The following P4HA2 variants were observed in gnomAD, a reference collection of about 807,000 sequenced individuals.
The protein encoded by P4HA2 is prolyl 4-hydroxylase subunit alpha-2.
A neutral mutation model predicts 76.9 loss-of-function variants in P4HA2; 46 were observed. That is an observed-to-expected ratio of 0.60 (90% CI 0.47 to 0.76). The LOEUF is 0.76. Ranked by LOEUF, P4HA2 falls within the 30% of genes least tolerant of loss-of-function variation. The pLI is 0.00. For synonymous variants in P4HA2, 243 were observed against 254.0 expected (o/e 0.96, Z 0.41); for missense variants, 583 against 669.4 (o/e 0.87, Z 1.42).
At chr5:132,206,937 T>C (rs554449791) in intron 8 of P4HA2, among the ~76,000 whole-genome samples, 3 of 152,222 alleles carry the variant, frequency 2.0e-5, no homozygotes, top group Non-Finnish European at 2.9e-5. Context: ...GCAATCTGTA[T>C]GAGTTTGCTT....
intron 4 of P4HA2, 85 bp from the exon 5 acceptor site, chr5:132,214,138 G>C (rs1753525513): frequency 7.2e-7 from 1 of 1,391,040 alleles, no homozygotes; most frequent in African/African-American, 1.4e-5. Context: ...CCACAAAGAG[G>C]GTCTCTGGCT....
Position 132,198,946 on chromosome 5 carries a change from C to T in P4HA2, c.1252-14G>A, listed in dbSNP as rs1311387855. The T allele has an allele frequency of 5.0e-6, 8 of 1,586,790 alleles. No individual in the cohort carries two copies. In the African/African-American group the frequency reaches 1.1e-4, roughly 21 times the overall value. ...ATAATTTGCAACCTGTGGGAAATAACAGCATTAGACCTTGTAAGCAGCATG... is the reference window on the plus strand; with the variant it reads ...ATAATTTGCAACCTGTGGGAAATAATAGCATTAGACCTTGTAAGCAGCATG... On this transcript the variant is annotated splice_polypyrimidine_tract_variant and intron_variant, in intron 10 of 14. Transcript: ENST00000360568.
chr5:132,221,771 G>A (rs1754676799), intron 1 of P4HA2, among the ~76,000 whole-genome samples: 1 of 152,092 alleles, frequency 6.6e-6, no homozygotes, highest in South Asian at 2.1e-4. Flanking sequence ...AGAAAACAAA[G>A]CAGGCCCTTC....
intron 10 of P4HA2, chr5:132,201,583 G>A (rs574589304): frequency 2.6e-5 from 4 of 152,292 alleles, no homozygotes; most frequent in African/African-American, 4.8e-5. Context: ...AGGAAATGTC[G>A]AGACAGTTCC....
chr5:132,203,861 A>AAAGGGCAGAGAAAAGAAGACGG lies in P4HA2; in HGVS notation c.1152-36_1152-15dup. The AAAGGGCAGAGAAAAGAAGACGG allele has an allele frequency of 1.9e-6, 3 of 1,596,922 alleles. 1 individual carries two copies. Among genetic ancestry groups the AAAGGGCAGAGAAAAGAAGACGG allele is most frequent in the Non-Finnish European group, 2.6e-6 (3 of 1,164,538 alleles). On this transcript the variant is annotated splice_polypyrimidine_tract_variant and intron_variant, in intron 9 of 14. Coordinates refer to ENST00000360568, the MANE Select transcript of P4HA2 (RefSeq NM_001017974.2). The stretch of plus-strand genomic sequence containing the variant: ...TCTAGCCAGGAGCTGGGCAAAAAGA[A>AAAGGGCAGAGAAAAGAAGACGG]AAGGGCAGAGAAAAGAAGACGGAAG...
intron 5 of P4HA2, among the ~76,000 whole-genome samples, chr5:132,213,427 C>T (rs1403718095): frequency 2.0e-5 from 3 of 151,984 alleles, no homozygotes; most frequent in Non-Finnish European, 2.9e-5. Context: ...TCTCAGATAC[C>T]GAGGGAGGCA....
At chr5:132,217,637 C>A (rs751091060) in intron 3 of P4HA2, 115 bp downstream of exon 3, 1 of 761,744 alleles carries the variant, frequency 1.3e-6, no homozygotes, top group South Asian at 1.5e-5. Context: ...ACCAGGCCAG[C>A]CCCACATCAC....
At chr5:132,202,483 A>C (rs916342567) in intron 10 of P4HA2, 1 of 152,226 alleles carries the variant, frequency 6.6e-6, no homozygotes, top group African/African-American at 2.4e-5. Flanking sequence ...CCTAAAGGTA[A>C]AGGCTGCTAT....
chr5:132,194,123 C>A (rs542977864), intron 14 of P4HA2, among the ~76,000 whole-genome samples: 7 of 152,184 alleles, frequency 4.6e-5, no homozygotes, highest in Non-Finnish European at 8.8e-5. Flanking sequence ...TCCCCTCCCA[C>A]CTTTCCAGTA....
chr5:132,191,006 TG>T lies in P4HA2; in HGVS notation c.*2003del, dbSNP rs1749860697. ...TAAAAACATTTATTTCTCATGGTTA[TG>T]GGAACTGGAAAGTCCGAGATCAAGA... On this transcript the variant is annotated 3_prime_UTR_variant, in exon 15 of 15. Transcript: ENST00000360568. Among the ~76,000 whole-genome samples the T allele has an allele frequency of 6.6e-6, 1 of 152,220 alleles. No individual in the cohort carries two copies. Among genetic ancestry groups the T allele is most frequent in the East Asian group, 1.9e-4 (1 of 5,204 alleles).
intron 1 of P4HA2, among the ~76,000 whole-genome samples, chr5:132,221,094 G>A (rs528769515): frequency 2.5e-4 from 38 of 152,304 alleles, no homozygotes; most frequent in African/African-American, 8.9e-4. Flanking sequence ...GAGGGACTGT[G>A]CCCCACAATG....
At chr5:132,217,912 G>T in intron 2 of P4HA2, 64 bp from the exon 3 acceptor site, 1 of 956,074 alleles carries the variant, frequency 1.0e-6, no homozygotes. Flanking sequence ...CTCCTTCCTT[G>T]GGGCACAGAA....
rs1304180341 is a variant in P4HA2, at chr5:132,209,244, G to C, written c.797C>G (p.Thr266Arg). ...EEREKTLTNQ[T>R]EAELATPEGI... ...TTCTGGGGTTGCTAGCTCAGCTTCT[G>C]TCTGATTTGTTAACGTTTTTTCTCT... Residue 266 changes from threonine to arginine, a missense_variant, in exon 7 of 15, where the codon ACA becomes AGA. Coordinates refer to ENST00000360568, the MANE Select transcript of P4HA2 (RefSeq NM_001017974.2). 14 of 1,613,884 alleles carry C rather than the reference G, an allele frequency of 8.7e-6. No individual in the cohort carries two copies. The East Asian group carries it at 3.1e-4, about 36-fold the overall frequency.
chr5:132,193,920 G>T lies in P4HA2; in HGVS notation c.1532-840C>A, dbSNP rs531231392. Among the ~76,000 whole-genome samples the T allele has an allele frequency of 2.0e-5, 3 of 152,138 alleles. No homozygotes were observed. In the South Asian group the frequency reaches 6.2e-4, roughly 32 times the overall value. ...TTGAAAAAAATAAAATTGTCGCAAG[G>T]CTTATAATGATAAATAGCACTCCTC... is the stretch of plus-strand genomic sequence containing the variant. On this transcript the variant is annotated intron_variant, in intron 14 of 14. Coordinates refer to ENST00000360568, the MANE Select transcript of P4HA2 (RefSeq NM_001017974.2).
In P4HA2 at chr5:132,227,788, A is replaced by C. The variant is rs528543454; in HGVS notation, c.-19+2T>G. On this transcript the variant is annotated splice_donor_variant, in intron 1 of 14. Transcript: ENST00000360568. LOFTEE classifies it low-confidence loss of function (5UTR_SPLICE). ...TGGCGGCTGAGCGGGCGGGGCGCTCACCTGGACACTCGCAGCTCCCGGCGT... is the reference window on the plus strand; with the variant it reads ...TGGCGGCTGAGCGGGCGGGGCGCTCCCCTGGACACTCGCAGCTCCCGGCGT... The C allele has an allele frequency of 1.3e-5, 2 of 152,272 alleles. No individual in the cohort carries two copies. The highest frequency in any genetic ancestry group is 3.9e-4 in the East Asian group (2 of 5,150). The allele number at this position is 152,272 out of a possible 1,614,324, so 9.4% of individuals were successfully genotyped here.
chr5:132,214,107 C>A, intron 4 of P4HA2, 54 bp from the exon 5 acceptor site: 1 of 1,578,682 alleles, frequency 6.3e-7, no homozygotes. Context: ...GGCAGAATTC[C>A]ACTTGGGACC....
intron 11 of P4HA2, 104 bp downstream of exon 11, chr5:132,198,775 G>C: frequency 1.2e-6 from 1 of 801,950 alleles, no homozygotes; most frequent in South Asian, 1.4e-5. Context: ...GGAGGACAAG[G>C]GGTGGGGGTA....
At chr5:132,223,820 T>C (rs1754970364) in intron 1 of P4HA2, among the ~76,000 whole-genome samples, 1 of 152,218 alleles carries the variant, frequency 6.6e-6, no homozygotes, top group Admixed American at 6.5e-5. Context: ...CCTACATATC[T>C]GACATCTGAC....
At chr5:132,198,758 G>A in intron 11 of P4HA2, 121 bp downstream of exon 11, 1 of 733,104 alleles carries the variant, frequency 1.4e-6, no homozygotes, top group Non-Finnish European at 2.5e-6. Context: ...GTGATGCAGA[G>A]GTGGAGGGAG....
Sources: allele counts gnomAD v4.1 joint callset (sites outside exome capture counted in the v4.1 genomes callset), GRCh38; gene constraint gnomAD v4.1.1; transcripts MANE v1.5; gene names NCBI Gene and HGNC (gene_info 2026-07-23, HGNC 2026-07-21).